CLIC6: variants seen among roughly 807,000 people sequenced by gnomAD.
The protein encoded by CLIC6 is CLIC family member 6.
CLIC6 carries 39 observed loss-of-function variants against 49.2 expected under a neutral mutation model. The observed-to-expected ratio is 0.79, with a 90% CI of 0.61 to 1.04. CLIC6 has a LOEUF of 1.04. CLIC6 is among the 50% of genes least tolerant of loss of function. The probability of loss-of-function intolerance (pLI) is 0.00; values close to 1 mark genes in which losing one functional copy is unlikely to be tolerated. For synonymous variants in CLIC6, 446 were observed against 433.4 expected, an observed-to-expected ratio of 1.03 and a Z score of -0.36; for missense variants, 988 against 993.1, an observed-to-expected ratio of 0.99 and a Z score of 0.07.
chr21:34,675,535 T>C (rs1318489821), intron 1 of CLIC6, among the ~76,000 whole-genome samples: 1 of 151,746 alleles, frequency 6.6e-6, no homozygotes, highest in Non-Finnish European at 1.5e-5. Flanking sequence ...TTTTTTGTAA[T>C]TTTTTTTTAT....
At chr21:34,694,806 C>G (rs895724109) in intron 1 of CLIC6, among the ~76,000 whole-genome samples, 9 of 152,234 alleles carry the variant, frequency 5.9e-5, no homozygotes, top group African/African-American at 1.9e-4. Flanking sequence ...CTCACTTTTT[C>G]TCCATGGCAT....
chr21:34,705,343 G>A (rs2056007066), intron 1 of CLIC6, among the ~76,000 whole-genome samples: 1 of 152,182 alleles, frequency 6.6e-6, no homozygotes, highest in African/African-American at 2.4e-5. Flanking sequence ...AGAACAGGGA[G>A]TGAGGAGGAG....
intron 1 of CLIC6, among the ~76,000 whole-genome samples, chr21:34,703,356 A>T (rs1470416974): frequency 6.6e-6 from 1 of 152,142 alleles, no homozygotes; most frequent in East Asian, 1.9e-4. Context: ...AGAAGGTGGT[A>T]GGGGGTGGCT....
intron 5 of CLIC6, among the ~76,000 whole-genome samples, chr21:34,714,722 A>C (rs1013276167): frequency 6.6e-6 from 1 of 151,934 alleles, no homozygotes; most frequent in African/African-American, 2.4e-5. Context: ...TTGATAAATC[A>C]AGAAATAGAG....
In CLIC6 at chr21:34,668,999, C is replaced by G. The variant is rs1051857374; in HGVS notation, c.-390C>G. 6.6e-6 allele frequency among the ~76,000 whole-genome samples: 1 copy of G among 152,232 alleles called. No individual in the cohort carries two copies. The highest frequency in any genetic ancestry group is 1.5e-5 in the Non-Finnish European group (1 of 68,042). On this transcript the variant is annotated 5_prime_UTR_variant, in exon 1 of 6. Coordinates refer to ENST00000349499, the MANE Select transcript of CLIC6 (RefSeq NM_053277.3). ...GGCACCAAGGACTTCTGGTCAACCC[C>G]AGGACAGCGGACAGCGGGCCGGGCA...
intron 1 of CLIC6, among the ~76,000 whole-genome samples, chr21:34,672,667 G>A (rs1461047033): frequency 6.6e-6 from 1 of 152,236 alleles, no homozygotes; most frequent in Non-Finnish European, 1.5e-5. Context: ...GTGAAGGCTT[G>A]AATGGGCGGC....
intron 5 of CLIC6, among the ~76,000 whole-genome samples, chr21:34,713,640 T>C (rs1320029687): frequency 1.3e-5 from 2 of 148,808 alleles, no homozygotes; most frequent in Non-Finnish European, 3.0e-5. Context: ...ATATACATGA[T>C]CAGGAACAAG....
intron 1 of CLIC6, among the ~76,000 whole-genome samples, chr21:34,675,081 C>T (rs1239909317): frequency 6.6e-6 from 1 of 151,952 alleles, no homozygotes; most frequent in African/African-American, 2.4e-5. Flanking sequence ...ATTTAGACAC[C>T]ACCTGTTTAC....
chr21:34,688,018 G>T (rs374340234), intron 1 of CLIC6, among the ~76,000 whole-genome samples: 6 of 152,174 alleles, frequency 3.9e-5, no homozygotes, highest in Non-Finnish European at 7.3e-5. Flanking sequence ...AGTATTGGTT[G>T]AGCATGCAAA....
intron 1 of CLIC6, among the ~76,000 whole-genome samples, chr21:34,689,537 T>C (rs1848226229): frequency 6.6e-6 from 1 of 152,204 alleles, no homozygotes; most frequent in African/African-American, 2.4e-5. Context: ...GCAAGTCCAC[T>C]TTCTTATATA....
intron 1 of CLIC6, among the ~76,000 whole-genome samples, chr21:34,672,074 ACG>A (rs1279854101): frequency 6.6e-6 from 1 of 152,170 alleles, no homozygotes; most frequent in Non-Finnish European, 1.5e-5. Context: ...ATTCTGGCAC[ACG>A]GCCTCTTAGC....
rs1223805360 is a variant in CLIC6 at position 34,670,111 on chromosome 21, C to T, written c.723C>T (p.Asp241=). 1.8e-5 allele frequency: 20 copies of T among 1,090,978 alleles called. No homozygotes were observed. In the Admixed American group the frequency reaches 1.1e-3, roughly 62 times the overall value. 67.6% of individuals were successfully genotyped at this position (1,090,978 alleles called of 1,614,324 possible). A position where few individuals can be genotyped will look rare whatever the true frequency, so the allele number is the denominator to read the frequency against. ...AAGGTCCGGCGGGGGACAGCGTAGA[C>T]GCGGAGGGCCGGGTGGGGGACAGCG... ...DAEGPAGDSV[D]AEGRVGDSVE... is the part of the protein sequence containing the mutation. The change falls in exon 1 of 6, where the codon GAC becomes GAT. Residue 241 remains aspartate (D), a synonymous_variant. Coordinates refer to ENST00000349499, the MANE Select transcript of CLIC6 (RefSeq NM_053277.3).
chr21:34,709,383 C>T lies in CLIC6; in HGVS notation c.1744C>T (p.Leu582=), dbSNP rs373486130. 1.4e-4 allele frequency: 220 copies of T among 1,613,952 alleles called. No individual in the cohort carries two copies. The highest frequency in any genetic ancestry group is 2.8e-4 in the Admixed American group (17 of 59,998). ...TCATGAAAAGAACCTGCTGAAGGCC[C>T]TGAGGAAGCTGGATAATTACTTAAA... ...EIHEKNLLKA[L]RKLDNYLNSP... Residue 582 remains leucine (L), a synonymous_variant, in exon 5 of 6, where the codon CTG becomes TTG. Coordinates refer to ENST00000349499, the MANE Select transcript of CLIC6 (RefSeq NM_053277.3).
chr21:34,708,386 G>T (rs2056031499), intron 3 of CLIC6, among the ~76,000 whole-genome samples: 2 of 152,122 alleles, frequency 1.3e-5, no homozygotes, highest in African/African-American at 4.8e-5. Flanking sequence ...TGGATTTTTG[G>T]ACCTCGGGGG....
intron 5 of CLIC6, among the ~76,000 whole-genome samples, chr21:34,710,890 A>G (rs1280630218): frequency 6.6e-6 from 1 of 152,220 alleles, no homozygotes; most frequent in Non-Finnish European, 1.5e-5. Context: ...TGCCTGCGCT[A>G]GTAAATCGGA....
intron 1 of CLIC6, among the ~76,000 whole-genome samples, chr21:34,689,120 G>GC (rs1989939467): frequency 1.3e-5 from 2 of 152,214 alleles, no homozygotes; most frequent in African/African-American, 4.8e-5. Flanking sequence ...GGAGGACCCT[G>GC]CCCACACCTG....
At chr21:34,672,020 T>C (rs539060697) in intron 1 of CLIC6, among the ~76,000 whole-genome samples, 14 of 152,236 alleles carry the variant, frequency 9.2e-5, no homozygotes, top group African/African-American at 2.9e-4. Flanking sequence ...CTCCATCACC[T>C]TGGTTTTAGA....
At chr21:34,685,672 T>C (rs1989863422) in intron 1 of CLIC6, among the ~76,000 whole-genome samples, 1 of 152,220 alleles carries the variant, frequency 6.6e-6, no homozygotes, top group Admixed American at 6.5e-5. Context: ...GAGAATCCAG[T>C]GCTTAAAGAA....
rs749972705 is a variant in CLIC6, at chr21:34,716,446, A to T, written c.2025A>T (p.Glu675Asp). The T allele has an allele frequency of 6.2e-7, 1 of 1,613,892 alleles. No individual in the cohort carries two copies. The highest frequency in any genetic ancestry group is 8.5e-7 in the Non-Finnish European group (1 of 1,179,904). Residue 675 changes from glutamate (E) to aspartate (D), a missense_variant, in exon 6 of 6, where the codon GAA (glutamate) becomes GAT (aspartate). Physicochemically the swap from Glu to Asp is conservative, Grantham distance 45. Coordinates refer to ENST00000349499, the MANE Select transcript of CLIC6 (RefSeq NM_053277.3). Reference protein sequence around the residue: ...TNTCPADQEIEHAYSDVAKRM... With the variant: ...TNTCPADQEIDHAYSDVAKRM... ...CGTGTCCAGCTGATCAAGAGATTGA[A>T]CACGCATATTCAGATGTTGCAAAAA...
Sources: gnomAD v4.1 joint callset for allele counts (sites outside exome capture counted in the v4.1 genomes callset) on GRCh38, gnomAD v4.1.1 for gene constraint, MANE v1.5 for transcripts, NCBI Gene and HGNC (gene_info 2026-07-23, HGNC 2026-07-21) for gene names.